The following MAN1A2 variants were observed in gnomAD, a reference collection of about 807,000 sequenced individuals.
The protein encoded by MAN1A2 is mannosyl-oligosaccharide 1,2-alpha-mannosidase IB.
MAN1A2 carries 26 observed loss-of-function variants against 75.7 expected under a neutral mutation model. The ratio of observed to expected loss-of-function variants is 0.34; its 90% confidence interval spans 0.25 to 0.48. The LOEUF is 0.48. Among genes scored for constraint, MAN1A2 ranks in the 20% least tolerant of loss-of-function variants. The pLI, the probability that MAN1A2 is intolerant of heterozygous loss-of-function variation, is 0.99. For missense variants in MAN1A2, 562 were observed against 775.5 expected (o/e 0.72, Z 3.27); for synonymous variants, 247 against 264.6 (o/e 0.93, Z 0.65).
chr1:117,454,811 AGAGGATAGTATG>A (rs1485190680), intron 6 of MAN1A2, among the ~76,000 whole-genome samples: 1 of 152,100 alleles, frequency 6.6e-6, no homozygotes, highest in Non-Finnish European at 1.5e-5. Context: ...ACAGTAGCAC[AGAGGATAGTATG>A]GAGACGTGAA....
chr1:117,493,160 C>T lies in MAN1A2; in HGVS notation c.1182C>T (p.Val394=), dbSNP rs115084439. ...TGRWGQYHTS[V]GGLGDSFYEY... is the part of the protein sequence containing the mutation. Reference sequence around the variant, plus strand: ...CCTTTGTTACAGATCATACATCTGTCGGTGGCCTGGGAGACAGTTTTTATG... The same window carrying T: ...CCTTTGTTACAGATCATACATCTGTTGGTGGCCTGGGAGACAGTTTTTATG... Residue 394 remains valine (V), a synonymous_variant, in exon 9 of 13, where the codon GTC becomes GTT. Coordinates refer to ENST00000356554, the MANE Select transcript of MAN1A2 (RefSeq NM_006699.5). The T allele has an allele frequency of 5.8e-4, 933 of 1,603,736 alleles. 4 individuals are homozygous for T. In the African/African-American group the frequency reaches 0.011, roughly 19 times the overall value.
At chr1:117,512,439 C>T (rs189286296) in intron 12 of MAN1A2, among the ~76,000 whole-genome samples, 1 of 152,034 alleles carries the variant, frequency 6.6e-6, no homozygotes, top group Admixed American at 6.6e-5. Context: ...TAGAGTGGGG[C>T]CTAAGAATTT....
chr1:117,490,177 A>T (rs1432645333), intron 8 of MAN1A2, among the ~76,000 whole-genome samples: 1 of 151,962 alleles, frequency 6.6e-6, no homozygotes. Flanking sequence ...ACTGCACTTC[A>T]CAGATATTGC....
intron 1 of MAN1A2, among the ~76,000 whole-genome samples, chr1:117,382,006 A>G (rs375460696): frequency 6.6e-6 from 1 of 151,630 alleles, no homozygotes; most frequent in Non-Finnish European, 1.5e-5. Flanking sequence ...GTCTGTTCAT[A>G]TCCTTTGCCC....
chr1:117,460,713 A>T, intron 7 of MAN1A2, 101 bp downstream of exon 7: 1 of 1,372,136 alleles, frequency 7.3e-7, no homozygotes, highest in South Asian at 1.9e-5. Flanking sequence ...TTCTAGATAT[A>T]TGTTTATTAG....
chr1:117,494,192 T>A (rs1650973535), intron 9 of MAN1A2: 1 of 152,080 alleles, frequency 6.6e-6, no homozygotes, highest in African/African-American at 2.4e-5. Flanking sequence ...ATTATATTGT[T>A]TCATATTTAA....
At chr1:117,503,011 G>T (rs376273376) in intron 12 of MAN1A2, 41 bp downstream of exon 12, 2 of 1,036,848 alleles carry the variant, frequency 1.9e-6, no homozygotes, top group African/African-American at 3.3e-5. Context: ...TACTAGACTG[G>T]TTTTGCTGTG....
At chr1:117,385,745 A>G (rs2101732079) in intron 1 of MAN1A2, among the ~76,000 whole-genome samples, 1 of 152,322 alleles carries the variant, frequency 6.6e-6, no homozygotes, top group South Asian at 2.1e-4. Context: ...TATTTATTGG[A>G]AGGATGTTAG....
chr1:117,466,875 A>T (rs1396938167), intron 8 of MAN1A2, among the ~76,000 whole-genome samples: 2 of 152,098 alleles, frequency 1.3e-5, no homozygotes, highest in African/African-American at 4.8e-5. Context: ...ATTATTTACC[A>T]GTCTCTGTGC....
At chr1:117,390,932 A>G (rs11802416) in intron 1 of MAN1A2, among the ~76,000 whole-genome samples, 1,661 of 152,248 alleles carry the variant, frequency 0.011, 27 homozygotes, top group African/African-American at 0.038. Flanking sequence ...TTCACATACC[A>G]TACCATCCAC....
chr1:117,386,176 C>T (rs556176874), intron 1 of MAN1A2, among the ~76,000 whole-genome samples: 10 of 152,096 alleles, frequency 6.6e-5, no homozygotes, highest in African/African-American at 1.4e-4. Flanking sequence ...TAAAGGAAAC[C>T]GAAAGGAATC....
chr1:117,376,555 C>A (rs1157541602), intron 1 of MAN1A2, among the ~76,000 whole-genome samples: 1 of 152,242 alleles, frequency 6.6e-6, no homozygotes, highest in African/African-American at 2.4e-5. Flanking sequence ...CTGCCACTCA[C>A]CCACCAACTC....
At chr1:117,485,941 A>C (rs1462776629) in intron 8 of MAN1A2, among the ~76,000 whole-genome samples, 1 of 151,952 alleles carries the variant, frequency 6.6e-6, no homozygotes. Flanking sequence ...ATTCCCACTC[A>C]GGGGATAGAA....
intron 5 of MAN1A2, among the ~76,000 whole-genome samples, chr1:117,421,438 AT>A (rs919179457): frequency 2.1e-4 from 32 of 150,282 alleles, no homozygotes; most frequent in African/African-American, 4.4e-4. Context: ...CATTTAAAGG[AT>A]TTTTTTTTCC....
At chr1:117,476,278 T>C (rs1034904716) in intron 8 of MAN1A2, among the ~76,000 whole-genome samples, 6 of 152,136 alleles carry the variant, frequency 3.9e-5, no homozygotes, top group South Asian at 2.1e-4. Flanking sequence ...GATGGATAGA[T>C]TGCAAAAATT....
chr1:117,381,577 G>A (rs1345508706), intron 1 of MAN1A2, among the ~76,000 whole-genome samples: 4 of 152,060 alleles, frequency 2.6e-5, no homozygotes, highest in Admixed American at 6.5e-5. Context: ...TCTTAATCCA[G>A]TCTATCGTTG....
chr1:117,511,216 C>G lies in MAN1A2; in HGVS notation c.1793+8246C>G, dbSNP rs182516515. Among the ~76,000 whole-genome samples, 511 of 152,114 alleles carry G rather than the reference C, an allele frequency of 3.4e-3. 2 individuals are homozygous for G. The highest frequency in any genetic ancestry group is 5.3e-3 in the Non-Finnish European group (363 of 67,986). ...GGAGAACAATATGGGGGAAACCACC[C>G]CCATGATCCAGTCACCTCCCACCAC... On this transcript the variant is annotated intron_variant, in intron 12 of 12. Transcript: ENST00000356554.
At chr1:117,475,284 CA>C (rs1650281018) in intron 8 of MAN1A2, among the ~76,000 whole-genome samples, 1 of 151,916 alleles carries the variant, frequency 6.6e-6, no homozygotes, top group Non-Finnish European at 1.5e-5. Context: ...ACATTGCTAT[CA>C]GTAGTGTTTC....
chr1:117,445,882 G>GTATATATATATATA (rs1224175021), intron 6 of MAN1A2, among the ~76,000 whole-genome samples: 1 of 134,864 alleles, frequency 7.4e-6, no homozygotes. Flanking sequence ...GTCTGTGTGT[G>GTATATATATATATA]TGTATATATA....
Sources: allele counts gnomAD v4.1 joint callset (sites outside exome capture counted in the v4.1 genomes callset), GRCh38; gene constraint gnomAD v4.1.1; transcripts MANE v1.5; gene names NCBI Gene and HGNC (gene_info 2026-07-23, HGNC 2026-07-21).